Variants in EMP2 observed in about 807,000 individuals in gnomAD.
The protein encoded by EMP2 is epithelial membrane protein 2.
A neutral mutation model predicts 13.7 loss-of-function variants in EMP2; 19 were observed. The ratio of observed to expected loss-of-function variants is 1.38; its 90% confidence interval spans 0.97 to 2.03. The LOEUF (loss-of-function observed/expected upper bound fraction) is 2.03. EMP2 is among the 30% of genes most tolerant of loss of function. The probability of loss-of-function intolerance (pLI) is 0.00; values close to 1 mark genes in which losing one functional copy is unlikely to be tolerated. For missense variants in EMP2, 253 were observed against 220.7 expected, an observed-to-expected ratio of 1.15 and a Z score of -0.93; for synonymous variants, 97 against 84.7, an observed-to-expected ratio of 1.15 and a Z score of -0.80.
At position 10,529,231 on chromosome 16, in the gene EMP2, G is replaced by A. The variant is rs1000821194; in HGVS notation, c.*3674C>T. ...TCAAATACAGTTGATGCTATCTTTG[G>A]TCCTAATATGTGCTTCTTGGATGTC... On this transcript the variant is annotated 3_prime_UTR_variant, in exon 5 of 5. Transcript: ENST00000359543. 2.6e-5 allele frequency: 4 copies of A among 152,154 alleles called. No homozygotes were observed. The highest frequency in any genetic ancestry group is 9.7e-5 in the African/African-American group (4 of 41,436). The allele number at this position is 152,154 out of a possible 1,614,324, so 9.4% of individuals were successfully genotyped here. A position where few individuals can be genotyped will look rare whatever the true frequency, so the allele number is the denominator to read the frequency against.
At chr16:10,553,258 C>A (rs1190909908) in intron 1 of EMP2, among the ~76,000 whole-genome samples, 2 of 152,224 alleles carry the variant, frequency 1.3e-5, no homozygotes, top group African/African-American at 4.8e-5. Flanking sequence ...CTCTTAGAGG[C>A]AACCACGCTT....
In EMP2 at chr16:10,532,882, A is replaced by G. The variant is rs370510090; in HGVS notation, c.*23T>C. On this transcript the variant is annotated 3_prime_UTR_variant, in exon 5 of 5. Coordinates refer to ENST00000359543, the MANE Select transcript of EMP2 (RefSeq NM_001424.6). The stretch of plus-strand genomic sequence containing the variant: ...CTGAATGTGGATTCTGTACTGCAGC[A>G]GAAGCAACCCAGCTCCGGAACTCTA... 1.1e-5 allele frequency: 15 copies of G among 1,427,724 alleles called. No homozygotes were observed. The highest frequency in any genetic ancestry group is 1.2e-5 in the Non-Finnish European group (13 of 1,081,306). 88.4% of individuals were successfully genotyped at this position (1,427,724 alleles called of 1,614,324 possible).
intron 2 of EMP2, chr16:10,546,595 T>A (rs980501804): frequency 2.6e-5 from 4 of 151,706 alleles, no homozygotes; most frequent in Non-Finnish European, 4.4e-5. Context: ...GTGTCAGGGG[T>A]TGGGGGCAGA....
intron 3 of EMP2, among the ~76,000 whole-genome samples, chr16:10,541,448 T>C (rs1208972964): frequency 6.6e-6 from 1 of 152,180 alleles, no homozygotes; most frequent in Non-Finnish European, 1.5e-5. Flanking sequence ...ATGTAAAAAC[T>C]GTTCTTAGCT....
At chr16:10,536,348 C>A (rs1365805282) in intron 4 of EMP2, among the ~76,000 whole-genome samples, 1 of 152,148 alleles carries the variant, frequency 6.6e-6, no homozygotes, top group Non-Finnish European at 1.5e-5. Context: ...GTCCCCACCC[C>A]AATCTCACCT....
intron 1 of EMP2, among the ~76,000 whole-genome samples, chr16:10,563,314 C>A (rs1301911747): frequency 6.6e-6 from 1 of 152,170 alleles, no homozygotes; most frequent in African/African-American, 2.4e-5. Context: ...GCCTCAGTCT[C>A]CCAAGTAGCT....
chr16:10,573,482 T>G (rs1349386504), intron 1 of EMP2, among the ~76,000 whole-genome samples: 1 of 152,176 alleles, frequency 6.6e-6, no homozygotes, highest in Non-Finnish European at 1.5e-5. Context: ...ATCATTTCCT[T>G]GTCTCTGGAT....
At chr16:10,554,035 C>CTTT (rs34514394) in intron 1 of EMP2, among the ~76,000 whole-genome samples, 14 of 138,130 alleles carry the variant, frequency 1.0e-4, no homozygotes, top group African/African-American at 2.7e-4. Flanking sequence ...TTCTTTCTTT[C>CTTT]TTTTTTTTTT....
chr16:10,534,698 G>T (rs1305682662), intron 4 of EMP2, among the ~76,000 whole-genome samples: 1 of 152,042 alleles, frequency 6.6e-6, no homozygotes, highest in Non-Finnish European at 1.5e-5. Flanking sequence ...CCCGGAAGGC[G>T]GAGGTTGCAG....
chr16:10,557,466 TG>T (rs1333273399), intron 1 of EMP2, among the ~76,000 whole-genome samples: 1 of 152,182 alleles, frequency 6.6e-6, no homozygotes, highest in East Asian at 1.9e-4. Flanking sequence ...CTGAAGCGCT[TG>T]CTGTCTTTTT....
chr16:10,541,980 T>C (rs2050702949), intron 3 of EMP2, among the ~76,000 whole-genome samples: 2 of 152,178 alleles, frequency 1.3e-5, no homozygotes, highest in Non-Finnish European at 2.9e-5. Context: ...ATATGGATAT[T>C]GTTACTGAGT....
chr16:10,528,816 G>C lies in EMP2; in HGVS notation c.*4089C>G, dbSNP rs973011414. On this transcript the variant is annotated 3_prime_UTR_variant, in exon 5 of 5. Coordinates refer to ENST00000359543, the MANE Select transcript of EMP2 (RefSeq NM_001424.6). ...GAGTTTAGTAACATCCCGCGAGGCA[G>C]ATTTTAAACTACGATACAGTTTCTA... 4 of 152,192 alleles carry C rather than the reference G, an allele frequency of 2.6e-5. No individual in the cohort carries two copies. The highest frequency in any genetic ancestry group is 7.2e-5 in the African/African-American group (3 of 41,444). The allele number at this position is 152,192 out of a possible 1,614,324, so 9.4% of individuals were successfully genotyped here.
At chr16:10,551,046 A>C (rs1399520103) in intron 1 of EMP2, among the ~76,000 whole-genome samples, 1 of 152,150 alleles carries the variant, frequency 6.6e-6, no homozygotes, top group Non-Finnish European at 1.5e-5. Flanking sequence ...TAAATGAGAC[A>C]CATTACATTC....
chr16:10,570,349 T>C (rs2050938361), intron 1 of EMP2, among the ~76,000 whole-genome samples: 1 of 151,834 alleles, frequency 6.6e-6, no homozygotes, highest in Non-Finnish European at 1.5e-5. Context: ...CCTTAGCCTC[T>C]GGAGTACCTA....
intron 1 of EMP2, among the ~76,000 whole-genome samples, chr16:10,556,693 CA>C (rs373887578): frequency 6.3e-4 from 96 of 152,354 alleles, no homozygotes; most frequent in Middle Eastern, 3.4e-3. Context: ...ACAGGATTTT[CA>C]TGTCAATCTT....
intron 1 of EMP2, chr16:10,576,629 G>A (rs2050985993): frequency 6.6e-6 from 1 of 151,968 alleles, no homozygotes; most frequent in Non-Finnish European, 1.5e-5. Context: ...ATGTCATCTA[G>A]CCTGTCCCTA....
At position 10,532,757 on chromosome 16, in the gene EMP2, T is replaced by TCTTTTC. The variant is rs1567199101; in HGVS notation, c.*147_*148insGAAAAG. On this transcript the variant is annotated 3_prime_UTR_variant, in exon 5 of 5. Transcript: ENST00000359543. ...TCTTTTGGATTTTTTTTTTCTTTTT[T>TCTTTTC]CTTTTTTTTTTTTTTTTTTTTTTTT... 1.5e-5 allele frequency: 5 copies of TCTTTTC among 327,878 alleles called. No individual in the cohort carries two copies. The East Asian group carries it at 2.9e-4, about 19-fold the overall frequency. The allele number at this position is 327,878 out of a possible 1,614,324, so 20.3% of individuals were successfully genotyped here.
At chr16:10,539,047 C>T (rs1373371743) in intron 3 of EMP2, among the ~76,000 whole-genome samples, 1 of 152,014 alleles carries the variant, frequency 6.6e-6, no homozygotes, top group Non-Finnish European at 1.5e-5. Flanking sequence ...AATGGGGATA[C>T]TAATAGCTCC....
At chr16:10,553,378 C>T (rs1476279551) in intron 1 of EMP2, among the ~76,000 whole-genome samples, 1 of 152,224 alleles carries the variant, frequency 6.6e-6, no homozygotes, top group African/African-American at 2.4e-5. Flanking sequence ...TCTGCCTCGT[C>T]CCGCCCCTCA....
Sources: gnomAD v4.1 joint callset for allele counts (sites outside exome capture counted in the v4.1 genomes callset) on GRCh38, gnomAD v4.1.1 for gene constraint, MANE v1.5 for transcripts, NCBI Gene and HGNC (gene_info 2026-07-23, HGNC 2026-07-21) for gene names.